TEKT3: variants seen among roughly 807,000 people sequenced by gnomAD.
The protein encoded by TEKT3 is tektin-3.
In TEKT3, 49 loss-of-function variants were observed where a neutral mutation model predicts 49.8. That is an observed-to-expected ratio of 0.98 (90% CI 0.78 to 1.25). The LOEUF (loss-of-function observed/expected upper bound fraction) is 1.25. TEKT3 is among the 50% of genes most tolerant of loss of function. The probability of loss-of-function intolerance (pLI) is 0.00; values close to 1 mark genes in which losing one functional copy is unlikely to be tolerated. For synonymous variants in TEKT3, 225 were observed against 237.2 expected (o/e 0.95, Z 0.47); for missense variants, 595 against 629.5 (o/e 0.95, Z 0.59).
At chr17:15,316,455 T>A (rs1484376741) in intron 5 of TEKT3, among the ~76,000 whole-genome samples, 4 of 151,390 alleles carry the variant, frequency 2.6e-5, no homozygotes, top group Non-Finnish European at 5.9e-5. Flanking sequence ...TGATGAACAG[T>A]GGGGCTCAAA....
chr17:15,321,177 T>C (rs1369732881), intron 4 of TEKT3, among the ~76,000 whole-genome samples: 1 of 151,914 alleles, frequency 6.6e-6, no homozygotes, highest in African/African-American at 2.4e-5. Flanking sequence ...GCCTGGCTAA[T>C]TTTTTGTATT....
Position 15,331,588 on chromosome 17 carries a change from T to C in TEKT3, c.-3A>G, listed in dbSNP as rs747084446. On this transcript the variant is annotated 5_prime_UTR_variant, in exon 3 of 9. Transcript: ENST00000395930. ...AAAGTACAACCTACACGTTCCATGA[T>C]GCCAAAACACTATTTGTAAATCTCT... 6.9e-6 allele frequency: 11 copies of C among 1,601,314 alleles called. No homozygotes were observed. The South Asian group carries it at 1.2e-4, about 18-fold the overall frequency.
chr17:15,318,194 T>C (rs946802978), intron 5 of TEKT3, among the ~76,000 whole-genome samples: 18 of 151,672 alleles, frequency 1.2e-4, no homozygotes, highest in Non-Finnish European at 2.5e-4. Context: ...TTTCATGGTG[T>C]TAGCCAGGAT....
At chr17:15,322,571 G>A (rs924467749) in intron 4 of TEKT3, among the ~76,000 whole-genome samples, 14 of 152,202 alleles carry the variant, frequency 9.2e-5, no homozygotes, top group Admixed American at 5.2e-4. Flanking sequence ...CTGACCCCGC[G>A]CTGTGGCCTG....
intron 8 of TEKT3, among the ~76,000 whole-genome samples, chr17:15,308,135 G>A (rs1224764858): frequency 1.3e-5 from 2 of 152,138 alleles, no homozygotes; most frequent in African/African-American, 4.8e-5. Flanking sequence ...GACAGCAAAT[G>A]AGTAGATAGG....
In TEKT3 at chr17:15,331,357, C is replaced by T. The variant is rs764040370; in HGVS notation, c.229G>A (p.Glu77Lys). Residue 77 changes from glutamate to lysine, a missense_variant, in exon 3 of 9, where the codon GAG (glutamate) becomes AAG (lysine). By Grantham distance (56) the Glu-to-Lys change is moderately conservative. Transcript: ENST00000395930. ...PYCTRSQRVSENTMLPFVSNR... is the reference protein window; with the variant it reads ...PYCTRSQRVSKNTMLPFVSNR... ...GAAACAAAGGGAAGCATGGTATTCT[C>T]GGACACCCTCTGTGATCTGGTGCAG... The T allele has an allele frequency of 2.0e-5, 33 of 1,614,062 alleles. No homozygotes were observed. The highest frequency in any genetic ancestry group is 2.6e-5 in the Non-Finnish European group (31 of 1,180,052).
At chr17:15,318,408 A>T (rs1377164653) in intron 5 of TEKT3, among the ~76,000 whole-genome samples, 1 of 152,210 alleles carries the variant, frequency 6.6e-6, no homozygotes, top group Non-Finnish European at 1.5e-5. Context: ...TGTAAAAAAA[A>T]TGCCAGTCTT....
chr17:15,336,054 G>C (rs1181429365), intron 2 of TEKT3, among the ~76,000 whole-genome samples: 4 of 151,858 alleles, frequency 2.6e-5, no homozygotes, highest in Non-Finnish European at 2.9e-5. Context: ...TCCCAAATTT[G>C]CTGAAAACTA....
rs1597653648 is a variant in TEKT3 at position 15,304,230 on chromosome 17, G to A, written c.1257-78C>T. ...CCAAGTACATCACATTGTAACCAGC[G>A]ATGCAAAGCTCACATTTTCTTTACT... On this transcript the variant is annotated intron_variant, in intron 8 of 8. Coordinates refer to ENST00000395930, the MANE Select transcript of TEKT3 (RefSeq NM_031898.3). The surrounding 1 kb of genome is among the most constrained non-coding windows in gnomAD (Gnocchi z 4.7). 9 of 1,411,688 alleles carry A rather than the reference G, an allele frequency of 6.4e-6. No individual in the cohort carries two copies. Among genetic ancestry groups the A allele is most frequent in the Admixed American group, 5.5e-5 (3 of 54,364 alleles). 87.4% of individuals were successfully genotyped at this position (1,411,688 alleles called of 1,614,324 possible).
chr17:15,337,361 C>A, intron 2 of TEKT3, among the ~76,000 whole-genome samples: 1 of 151,712 alleles, frequency 6.6e-6, no homozygotes, highest in African/African-American at 2.4e-5. Context: ...CATAATTATT[C>A]CAAGAGAAAA....
Position 15,303,977 on chromosome 17 carries a change from T to G in TEKT3, c.1432A>C (p.Lys478Gln). The G allele has an allele frequency of 6.2e-7, 1 of 1,614,108 alleles. No homozygotes were observed. Among genetic ancestry groups the G allele is most frequent in the Non-Finnish European group, 8.5e-7 (1 of 1,180,022 alleles). The change falls in exon 9 of 9, where the codon AAG becomes CAG. Residue 478 changes from lysine to glutamine, a missense_variant. Transcript: ENST00000395930. ...AGCCGGAGGGTGTTGGGGTAGCTCTTGCGCATGCTCATGCATTTTTCCTGG... is the reference window on the plus strand; with the variant it reads ...AGCCGGAGGGTGTTGGGGTAGCTCTGGCGCATGCTCATGCATTTTTCCTGG... ...IDQEKCMSMR[K>Q]SYPNTLRLVG...
intron 4 of TEKT3, among the ~76,000 whole-genome samples, chr17:15,324,306 G>A (rs1398979481): frequency 6.6e-6 from 1 of 152,130 alleles, no homozygotes; most frequent in Non-Finnish European, 1.5e-5. Flanking sequence ...ATAACCTGTT[G>A]TATGACTATC....
chr17:15,322,264 C>T (rs1302912481), intron 4 of TEKT3, among the ~76,000 whole-genome samples: 2 of 152,198 alleles, frequency 1.3e-5, no homozygotes, highest in African/African-American at 2.4e-5. Context: ...CCACAAGCTT[C>T]GGCGTCAGAC....
At position 15,311,744 on chromosome 17, in the gene TEKT3, T is replaced by A. The variant is rs556467500; in HGVS notation, c.1101+515A>T. ...AAGGAAAGGAAGAGCTCCTTGTTTATCTTGAAACATATGAATTCTGCTGGA... is the reference window on the plus strand; with the variant it reads ...AAGGAAAGGAAGAGCTCCTTGTTTAACTTGAAACATATGAATTCTGCTGGA... On this transcript the variant is annotated intron_variant, in intron 7 of 8. Transcript: ENST00000395930. Among the ~76,000 whole-genome samples, 45 of 152,348 alleles carry A rather than the reference T, an allele frequency of 3.0e-4. 1 individual carries two copies. The highest frequency in any genetic ancestry group is 6.8e-3 in the Middle Eastern group (2 of 294).
intron 2 of TEKT3, among the ~76,000 whole-genome samples, chr17:15,334,995 T>C (rs773168856): frequency 2.0e-5 from 3 of 151,864 alleles, no homozygotes; most frequent in Non-Finnish European, 4.4e-5. Flanking sequence ...ACAAAATATA[T>C]GAAACAACTG....
intron 5 of TEKT3, 143 bp from the exon 6 acceptor site, chr17:15,314,373 T>C: frequency 8.7e-7 from 1 of 1,149,708 alleles, no homozygotes; most frequent in Non-Finnish European, 1.3e-6. Flanking sequence ...AATTTCTCAG[T>C]CAAAACGAGC....
Position 15,312,251 on chromosome 17 carries a change from T to G in TEKT3, c.1101+8A>C, listed in dbSNP as rs1023531197. 24 of 1,614,020 alleles carry G rather than the reference T, an allele frequency of 1.5e-5. No homozygotes were observed. Among genetic ancestry groups the G allele is most frequent in the Non-Finnish European group, 1.9e-5 (22 of 1,179,942 alleles). ...TCAGCTAAGGGGTACCACTGGCGGT[T>G]GATTTACCTTTGCTAAGTGCGTCTG... is the stretch of plus-strand genomic sequence containing the variant. On this transcript the variant is annotated splice_region_variant and intron_variant, in intron 7 of 8. Coordinates refer to ENST00000395930, the MANE Select transcript of TEKT3 (RefSeq NM_031898.3).
chr17:15,320,172 G>A (rs1450179151), intron 4 of TEKT3, among the ~76,000 whole-genome samples: 1 of 152,116 alleles, frequency 6.6e-6, no homozygotes, highest in Non-Finnish European at 1.5e-5. Flanking sequence ...CCAGTGTGAT[G>A]GAACCACACC....
chr17:15,319,805 C>T (rs1240449077), intron 4 of TEKT3, among the ~76,000 whole-genome samples: 1 of 152,184 alleles, frequency 6.6e-6, no homozygotes. Flanking sequence ...ATTAAATCAA[C>T]ATTTATTTCC....
Sources: allele counts gnomAD v4.1 joint callset (sites outside exome capture counted in the v4.1 genomes callset), GRCh38; gene constraint gnomAD v4.1.1; non-coding constraint Gnocchi (gnomAD v3.1); transcripts MANE v1.5; gene names NCBI Gene and HGNC (gene_info 2026-07-23, HGNC 2026-07-21).